Variants in FBXL13 observed in about 807,000 individuals in gnomAD.
FBXL13 encodes the protein F-box and leucine rich repeat protein 13, also known as F-box and leucine-rich repeat protein 13.
Under a neutral mutation model 83.6 loss-of-function variants are expected in FBXL13, and 67 were observed. The observed-to-expected ratio is 0.80, with a 90% CI of 0.66 to 0.98. The LOEUF (loss-of-function observed/expected upper bound fraction) is 0.98. FBXL13 is among the 50% of genes least tolerant of loss of function. FBXL13 has a pLI of 0.00. For missense variants in FBXL13, 822 were observed against 866.5 expected, an observed-to-expected ratio of 0.95 and a Z score of 0.64; for synonymous variants, 272 against 299.5, an observed-to-expected ratio of 0.91 and a Z score of 0.95.
At chr7:102,885,173 C>G (rs149492317) in intron 11 of FBXL13, among the ~76,000 whole-genome samples, 9 of 152,114 alleles carry the variant, frequency 5.9e-5, no homozygotes, top group Non-Finnish European at 8.8e-5. Context: ...GATCATATGG[C>G]AATTCTATGC....
intron 14 of FBXL13, among the ~76,000 whole-genome samples, chr7:102,881,436 CAAAA>C (rs34979881): frequency 4.9e-5 from 3 of 61,410 alleles, no homozygotes; most frequent in Admixed American, 1.8e-4. Context: ...GACTCCATCT[CAAAA>C]AAAAAAAAAA....
intron 16 of FBXL13, chr7:102,874,176 G>A (rs966054225): frequency 5.6e-6 from 1 of 179,614 alleles, no homozygotes; most frequent in Non-Finnish European, 1.1e-5. Flanking sequence ...GATCTTTGGT[G>A]GGTATCTGTA....
rs184029839 is a variant in FBXL13, at chr7:103,067,051, T to G, written c.-105+7195A>C. 4.0e-3 allele frequency among the ~76,000 whole-genome samples: 601 copies of G among 148,906 alleles called. 2 individuals are homozygous for G. Among genetic ancestry groups the G allele is most frequent in the African/African-American group, 0.014 (568 of 40,922 alleles). On this transcript the variant is annotated intron_variant, in intron 1 of 19. Coordinates refer to ENST00000313221, the Ensembl canonical transcript of FBXL13. ...CTGCCCGCCTCGGCCTCCCAAGAATTTTTTTTTTTTTGTCTACTCTTTCAC... is the reference window on the plus strand; with the variant it reads ...CTGCCCGCCTCGGCCTCCCAAGAATGTTTTTTTTTTTGTCTACTCTTTCAC...
chr7:103,005,137 T>C (rs2129485933), intron 6 of FBXL13, among the ~76,000 whole-genome samples: 1 of 152,322 alleles, frequency 6.6e-6, no homozygotes, highest in South Asian at 2.1e-4. Flanking sequence ...TACTCAGAAC[T>C]GATATTAATA....
chr7:103,016,693 C>T (rs1387814484), intron 6 of FBXL13, among the ~76,000 whole-genome samples: 8 of 152,270 alleles, frequency 5.3e-5, no homozygotes, highest in South Asian at 2.1e-4. Context: ...GCGCCTGGCT[C>T]GGAGGGTCCC....
intron 10 of FBXL13, among the ~76,000 whole-genome samples, chr7:102,917,583 A>G (rs1241983410): frequency 6.6e-6 from 1 of 152,210 alleles, no homozygotes; most frequent in Non-Finnish European, 1.5e-5. Flanking sequence ...GCTATAGAGA[A>G]TGTGAAGCAT....
intron 16 of FBXL13, among the ~76,000 whole-genome samples, chr7:102,873,353 C>T (rs966822677): frequency 3.9e-5 from 6 of 152,196 alleles, no homozygotes; most frequent in Non-Finnish European, 8.8e-5. Flanking sequence ...TATGCAGATG[C>T]TCAAGCCAAA....
chr7:102,934,411 C>G lies in FBXL13; in HGVS notation c.725-2478G>C, dbSNP rs1474517230. The G allele has an allele frequency of 1.2e-6, 2 of 1,614,222 alleles. No individual in the cohort carries two copies. Among genetic ancestry groups the G allele is most frequent in the Non-Finnish European group, 1.7e-6 (2 of 1,180,038 alleles). On this transcript the variant is annotated intron_variant, in intron 8 of 19. Transcript: ENST00000313221. ...TGCGTCTTTATGACAACCCCTGGCA[C>G]TGTACTTGTGAGATAGAAACGCTTA...
In FBXL13 at chr7:103,026,634, C is replaced by A. The variant is rs754701515; in HGVS notation, c.327+815G>T. Among the ~76,000 whole-genome samples, 32 of 152,130 alleles carry A rather than the reference C, an allele frequency of 2.1e-4. 1 individual carries two copies. The highest frequency in any genetic ancestry group is 3.4e-4 in the Non-Finnish European group (23 of 68,010). On this transcript the variant is annotated intron_variant, in intron 5 of 19. Coordinates refer to ENST00000313221, the Ensembl canonical transcript of FBXL13. ...CAAGTAATCTCTGAGATGCTTAAAG[C>A]TCAGCACAGGCTCTAGCATTGTTTT...
chr7:103,002,498 G>A (rs1413193051), intron 6 of FBXL13, among the ~76,000 whole-genome samples: 5 of 152,186 alleles, frequency 3.3e-5, no homozygotes, highest in Admixed American at 3.3e-4. Context: ...ACTTTTGCCA[G>A]TGAGTTCTAT....
chr7:103,003,718 A>G (rs2129485810), intron 6 of FBXL13, among the ~76,000 whole-genome samples: 2 of 152,168 alleles, frequency 1.3e-5, no homozygotes, highest in Middle Eastern at 6.8e-3. Context: ...AGTAGCTGGG[A>G]TTACAGGCGT....
intron 11 of FBXL13, among the ~76,000 whole-genome samples, chr7:102,909,978 C>T (rs886537981): frequency 4.6e-5 from 7 of 152,150 alleles, no homozygotes; most frequent in Non-Finnish European, 8.8e-5. Context: ...GGGTTACAGT[C>T]CTTATGGCCT....
chr7:102,833,943 C>T (rs922733596), intron 17 of FBXL13, among the ~76,000 whole-genome samples: 6 of 149,556 alleles, frequency 4.0e-5, no homozygotes, highest in African/African-American at 1.5e-4. Context: ...AGCAGTTATA[C>T]AAGAACAAAA....
intron 1 of FBXL13, among the ~76,000 whole-genome samples, chr7:103,061,196 C>G (rs904941582): frequency 6.8e-6 from 1 of 146,190 alleles, no homozygotes; most frequent in East Asian, 2.0e-4. Context: ...TTGTTTTTTT[C>G]TTTTTTGTTT....
At chr7:102,953,875 T>C (rs1823811251) in intron 8 of FBXL13, among the ~76,000 whole-genome samples, 1 of 152,212 alleles carries the variant, frequency 6.6e-6, no homozygotes, top group Non-Finnish European at 1.5e-5. Flanking sequence ...ATATTTTCTA[T>C]GTATATTTCA....
chr7:103,073,178 G>C (rs1799170943), intron 1 of FBXL13, among the ~76,000 whole-genome samples: 1 of 152,132 alleles, frequency 6.6e-6, no homozygotes, highest in Admixed American at 6.5e-5. Flanking sequence ...TTTGGCATAG[G>C]TTCTATGCAT....
chr7:102,953,247 T>C (rs1463276860), intron 8 of FBXL13, among the ~76,000 whole-genome samples: 1 of 151,760 alleles, frequency 6.6e-6, no homozygotes, highest in African/African-American at 2.4e-5. Context: ...GATGCAAATA[T>C]CCTCAAAAAA....
intron 6 of FBXL13, among the ~76,000 whole-genome samples, chr7:103,012,706 T>G (rs1174268034): frequency 6.6e-6 from 1 of 152,050 alleles, no homozygotes; most frequent in Non-Finnish European, 1.5e-5. Context: ...AAAAAAACAC[T>G]AAGTACATAG....
At chr7:102,941,836 C>T (rs1031100872) in intron 8 of FBXL13, among the ~76,000 whole-genome samples, 24 of 151,402 alleles carry the variant, frequency 1.6e-4, no homozygotes, top group African/African-American at 5.1e-4. Context: ...GTTTTAGTTA[C>T]AACAAAACTA....
Sources: gnomAD v4.1 joint callset for allele counts (sites outside exome capture counted in the v4.1 genomes callset) on GRCh38, gnomAD v4.1.1 for gene constraint, MANE v1.5 for transcripts, NCBI Gene and HGNC (gene_info 2026-07-23, HGNC 2026-07-21) for gene names.